PLCG2: variants seen among roughly 807,000 people sequenced by gnomAD.
PLCG2 encodes phospholipase C gamma 2, also known as 1-phosphatidylinositol 4,5-bisphosphate phosphodiesterase gamma-2.
A neutral mutation model predicts 175.6 loss-of-function variants in PLCG2; 69 were observed. The observed-to-expected ratio is 0.39, with a 90% CI of 0.32 to 0.48. The LOEUF (loss-of-function observed/expected upper bound fraction) is 0.48, where lower values mean the gene tolerates loss of function less well. Ranked by LOEUF, PLCG2 falls within the 20% of genes least tolerant of loss-of-function variation. The pLI is 0.91. For synonymous variants in PLCG2, 827 were observed against 624.0 expected (o/e 1.33, Z -4.85); for missense variants, 1,798 against 1,650.9 (o/e 1.09, Z -1.54).
chr16:81,862,651 C>T (rs908481717), intron 5 of PLCG2, among the ~76,000 whole-genome samples: 1 of 152,142 alleles, frequency 6.6e-6, no homozygotes, highest in Non-Finnish European at 1.5e-5. Context: ...GGGTGGATCG[C>T]TTGAGCTCAG....
In PLCG2 at chr16:81,959,224, C is replaced by A; in HGVS notation, c.*1226C>A. The A allele has an allele frequency of 4.4e-6, 1 of 225,608 alleles. No homozygotes were observed. Among genetic ancestry groups the A allele is most frequent in the Non-Finnish European group, 8.8e-6 (1 of 113,336 alleles). 14.0% of individuals were successfully genotyped at this position (225,608 alleles called of 1,614,324 possible). The stretch of plus-strand genomic sequence containing the variant: ...AAACGATGGCTGTGGTGGGGAAGAA[C>A]AAACCAGCAGTAAGCCTGATGTTTG... On this transcript the variant is annotated 3_prime_UTR_variant, in exon 33 of 33. Coordinates refer to ENST00000564138, the MANE Select transcript of PLCG2 (RefSeq NM_002661.5).
At chr16:81,869,493 A>C (rs1907410293) in intron 6 of PLCG2, among the ~76,000 whole-genome samples, 195 bp downstream of exon 6, 1 of 152,208 alleles carries the variant, frequency 6.6e-6, no homozygotes, top group African/African-American at 2.4e-5. Flanking sequence ...CAGAGAATGT[A>C]ATCAATAAAG....
intron 28 of PLCG2, 22 bp downstream of exon 28, chr16:81,937,925 T>G (rs1402850130): frequency 1.2e-6 from 2 of 1,612,510 alleles, no homozygotes; most frequent in Non-Finnish European, 1.7e-6. Flanking sequence ...CCTCCCTTCC[T>G]GCCAGGGGAG....
chr16:81,957,357 T>C (rs914350671), intron 32 of PLCG2, among the ~76,000 whole-genome samples: 2 of 152,334 alleles, frequency 1.3e-5, no homozygotes, highest in South Asian at 2.1e-4. Context: ...TAGTTCTCTT[T>C]GTTCTAGAAA....
rs748241063 is a variant in PLCG2 at position 81,880,918 on chromosome 16, T to A, written c.657T>A (p.Asp219Glu). ...TGTGCTTTCCATTTCAGATTCTCGATGAATTCAAAAAGGATTCGTCCGTGT... is the reference window on the plus strand; with the variant it reads ...TGTGCTTTCCATTTCAGATTCTCGAAGAATTCAAAAAGGATTCGTCCGTGT... Reference protein sequence around the residue: ...LMFEQQKSILDEFKKDSSVFI... With the variant: ...LMFEQQKSILEEFKKDSSVFI... Residue 219 changes from aspartate (D) to glutamate (E), a missense_variant, in exon 8 of 33, where the codon GAT becomes GAA. By Grantham distance (45) the Asp-to-Glu change is conservative. Coordinates refer to ENST00000564138, the MANE Select transcript of PLCG2 (RefSeq NM_002661.5). 3 of 1,614,202 alleles carry A rather than the reference T, an allele frequency of 1.9e-6. No homozygotes were observed. The highest frequency in any genetic ancestry group is 2.2e-5 in the South Asian group (2 of 91,090).
intron 2 of PLCG2, among the ~76,000 whole-genome samples, chr16:81,806,018 T>G (rs898994905): frequency 6.6e-6 from 1 of 152,052 alleles, no homozygotes; most frequent in African/African-American, 2.4e-5. Context: ...TAATAAATTT[T>G]ATTTAACTCA....
upstream of PLCG2, among the ~76,000 whole-genome samples, chr16:81,778,016 C>CAAAAAAAAAAAA (rs753644088): frequency 3.5e-4 from 17 of 49,074 alleles, no homozygotes; most frequent in East Asian, 5.4e-4. Context: ...GACTTTGTCT[C>CAAAAAAAAAAAA]AAAAAAAAAA....
At chr16:81,801,893 C>T (rs1342474867) in intron 2 of PLCG2, among the ~76,000 whole-genome samples, 2 of 151,812 alleles carry the variant, frequency 1.3e-5, no homozygotes, top group Non-Finnish European at 2.9e-5. Context: ...GTTGGTCAGG[C>T]TGGTCTCGAA....
chr16:81,921,204 G>T lies in PLCG2; in HGVS notation c.2242G>T (p.Asp748Tyr), dbSNP rs1274637724. The change falls in exon 21 of 33, where the codon GAT becomes TAT. Residue 748 changes from aspartate (D) to tyrosine (Y), a missense_variant. Coordinates refer to ENST00000564138, the MANE Select transcript of PLCG2 (RefSeq NM_002661.5). The stretch of plus-strand genomic sequence containing the variant: ...TCTTTCTTTTTTTTTCCAGGAAAGA[G>T]ATATAAACTCCCTCTACGACGTCAG... ...ELLERYNMERDINSLYDVSRM... is the reference protein window; with the variant it reads ...ELLERYNMERYINSLYDVSRM... 3.8e-6 allele frequency: 6 copies of T among 1,581,602 alleles called. No individual in the cohort carries two copies. Among genetic ancestry groups the T allele is most frequent in the Non-Finnish European group, 5.2e-6 (6 of 1,150,416 alleles).
chr16:81,960,876 G>A lies in PLCG2; in HGVS notation c.*2878G>A. 1 of 229,744 alleles carries A rather than the reference G, an allele frequency of 4.4e-6. No homozygotes were observed. 14.2% of individuals were successfully genotyped at this position (229,744 alleles called of 1,614,324 possible). A position where few individuals can be genotyped will look rare whatever the true frequency, so the allele number is the denominator to read the frequency against. On this transcript the variant is annotated 3_prime_UTR_variant, in exon 33 of 33. Transcript: ENST00000564138. ...TACTCTCAGGGGAGCAGTGTTCAGAGCCTCATCTTCCTGTTATATTCTTCT... is the reference window on the plus strand; with the variant it reads ...TACTCTCAGGGGAGCAGTGTTCAGAACCTCATCTTCCTGTTATATTCTTCT...
At chr16:81,800,367 T>C (rs1205447647) in intron 2 of PLCG2, among the ~76,000 whole-genome samples, 1 of 152,170 alleles carries the variant, frequency 6.6e-6, no homozygotes, top group Non-Finnish European at 1.5e-5. Context: ...CCTCCATCCT[T>C]ACCCTGCTCC....
intron 2 of PLCG2, among the ~76,000 whole-genome samples, chr16:81,852,302 C>T (rs1310751077): frequency 6.6e-6 from 1 of 152,116 alleles, no homozygotes; most frequent in Admixed American, 6.5e-5. Context: ...TGTCTGTCCC[C>T]GAACCAGTCA....
intron 31 of PLCG2, among the ~76,000 whole-genome samples, chr16:81,956,227 C>G (rs766067153): frequency 3.9e-4 from 60 of 152,170 alleles, no homozygotes; most frequent in Non-Finnish European, 7.6e-4. Flanking sequence ...CAGCTTGTTA[C>G]CTTGCCTTTT....
chr16:81,936,620 A>G lies in PLCG2; in HGVS notation c.3052+242A>G, dbSNP rs139157594. Among the ~76,000 whole-genome samples the G allele has an allele frequency of 3.7e-4, 57 of 152,338 alleles. 1 individual carries two copies. The highest frequency in any genetic ancestry group is 1.4e-3 in the African/African-American group (57 of 41,584). On this transcript the variant is annotated intron_variant, in intron 27 of 32. Transcript: ENST00000564138. ...GATTGTAAGTAAGTGACAGAGGCTG[A>G]GTTAGTCTGGCTTAGAAAAAGAAAA...
In PLCG2 at chr16:81,788,462, A is replaced by G. The variant is rs1045706242; in HGVS notation, c.193+2280A>G. ...CGCCCGGCTAATTTTTTGTATTTTT[A>G]GTAGAGACGGGGTCTCACTGTGTTA... is the stretch of plus-strand genomic sequence containing the variant. On this transcript the variant is annotated intron_variant, in intron 2 of 32. Coordinates refer to ENST00000564138, the MANE Select transcript of PLCG2 (RefSeq NM_002661.5). Among the ~76,000 whole-genome samples, 8 of 152,080 alleles carry G rather than the reference A, an allele frequency of 5.3e-5. No individual in the cohort carries two copies. In the East Asian group the frequency reaches 1.4e-3, roughly 26 times the overall value.
At chr16:81,954,220 G>A (rs749856279) in intron 31 of PLCG2, among the ~76,000 whole-genome samples, 1 of 151,852 alleles carries the variant, frequency 6.6e-6, no homozygotes, top group Non-Finnish European at 1.5e-5. Context: ...ACAGGGTCCC[G>A]CTATGTTGCC....
intron 1 of PLCG2, among the ~76,000 whole-genome samples, chr16:81,781,858 T>G (rs1389398793): frequency 2.1e-5 from 2 of 93,370 alleles, no homozygotes; most frequent in Admixed American, 3.0e-4. Context: ...TCTCATTTCA[T>G]GTCCTTTCCC....
intron 7 of PLCG2, among the ~76,000 whole-genome samples, chr16:81,876,464 T>C (rs746713658): frequency 1.3e-5 from 2 of 152,186 alleles, no homozygotes; most frequent in Non-Finnish European, 2.9e-5. Flanking sequence ...CTCCATTCCT[T>C]TCCCTCCCTT....
intron 2 of PLCG2, among the ~76,000 whole-genome samples, chr16:81,759,433 T>C (rs997119438): frequency 1.3e-5 from 2 of 152,236 alleles, no homozygotes; most frequent in Non-Finnish European, 2.9e-5. Context: ...TATTCTTTGA[T>C]AGGTAATATC....
Sources: allele counts gnomAD v4.1 joint callset (sites outside exome capture counted in the v4.1 genomes callset), GRCh38; gene constraint gnomAD v4.1.1; transcripts MANE v1.5; gene names NCBI Gene and HGNC (gene_info 2026-07-23, HGNC 2026-07-21).